Variants in AKIRIN2 observed in about 807,000 individuals in gnomAD.
AKIRIN2 encodes akirin-2.
In AKIRIN2, 6 loss-of-function variants were observed where a neutral mutation model predicts 29.3. That is an observed-to-expected ratio of 0.20 (90% confidence interval 0.11 to 0.40). The LOEUF is 0.40. Among genes scored for constraint, AKIRIN2 ranks in the 10% least tolerant of loss-of-function variants. The probability of loss-of-function intolerance (pLI) is 1.00; values close to 1 mark genes in which losing one functional copy is unlikely to be tolerated. For missense variants in AKIRIN2, 210 were observed against 276.1 expected (o/e 0.76, Z 1.70); for synonymous variants, 128 against 117.5 (o/e 1.09, Z -0.58).
intron 1 of AKIRIN2, among the ~76,000 whole-genome samples, chr6:87,696,830 AC>A (rs1327725724): frequency 6.6e-6 from 1 of 151,600 alleles, no homozygotes; most frequent in Non-Finnish European, 1.5e-5. Context: ...ACATGGTGAA[AC>A]CCCATCTCTT....
At chr6:87,688,127 G>GT (rs199680652) in intron 1 of AKIRIN2, among the ~76,000 whole-genome samples, 4 of 151,788 alleles carry the variant, frequency 2.6e-5, no homozygotes, top group Non-Finnish European at 4.4e-5. Context: ...GAAACCTTGA[G>GT]TTTTTTTTCT....
intron 1 of AKIRIN2, among the ~76,000 whole-genome samples, chr6:87,697,996 G>C (rs1771398623): frequency 6.6e-6 from 1 of 152,140 alleles, no homozygotes; most frequent in Non-Finnish European, 1.5e-5. Flanking sequence ...CAATATTTTG[G>C]TTTTATTAAA....
chr6:87,686,190 G>A (rs1169528234), intron 1 of AKIRIN2, among the ~76,000 whole-genome samples: 1 of 151,996 alleles, frequency 6.6e-6, no homozygotes, highest in Non-Finnish European at 1.5e-5. Flanking sequence ...ACTGCAGCTT[G>A]GGCAACAAGA....
At chr6:87,676,464 A>AAG in intron 3 of AKIRIN2, among the ~76,000 whole-genome samples, 1 of 141,370 alleles carries the variant, frequency 7.1e-6, no homozygotes, top group East Asian at 2.1e-4. Flanking sequence ...AAAAAAAAAA[A>AAG]AAAAAAACGA....
chr6:87,691,721 A>C (rs1312786442), intron 1 of AKIRIN2, among the ~76,000 whole-genome samples: 1 of 152,210 alleles, frequency 6.6e-6, no homozygotes, highest in Non-Finnish European at 1.5e-5. Context: ...TTCAAAAAGA[A>C]AGGAGTGTGC....
chr6:87,702,169 G>A lies in AKIRIN2; in HGVS notation c.-485C>T, dbSNP rs1771481950. ...GGCGATCGATGCAGAGAGATTGCGA[G>A]GTAGCTGCCGCAGCAGGAACCCAAG... is the stretch of plus-strand genomic sequence containing the variant. On this transcript the variant is annotated 5_prime_UTR_variant, in exon 1 of 5. Coordinates refer to ENST00000257787, the MANE Select transcript of AKIRIN2 (RefSeq NM_018064.4). 3 of 398,498 alleles carry A rather than the reference G, an allele frequency of 7.5e-6. No individual in the cohort carries two copies. Among genetic ancestry groups the A allele is most frequent in the Non-Finnish European group, 8.9e-6 (2 of 225,976 alleles). 24.7% of individuals were successfully genotyped at this position (398,498 alleles called of 1,614,324 possible). A position where few individuals can be genotyped will look rare whatever the true frequency, so the allele number is the denominator to read the frequency against.
chr6:87,685,607 C>G (rs1771174468), intron 1 of AKIRIN2, among the ~76,000 whole-genome samples: 1 of 152,218 alleles, frequency 6.6e-6, no homozygotes, highest in South Asian at 2.1e-4. Flanking sequence ...CAGTTTTAAT[C>G]ATATGCCTTC....
intron 2 of AKIRIN2, among the ~76,000 whole-genome samples, chr6:87,681,044 A>ATT (rs780676652): frequency 1.4e-5 from 2 of 147,676 alleles, no homozygotes; most frequent in African/African-American, 4.9e-5. Context: ...TATTGTTATT[A>ATT]TTTTTTTTTT....
Position 87,702,207 on chromosome 6 carries a change from A to T in AKIRIN2, c.-523T>A. On this transcript the variant is annotated 5_prime_UTR_variant, in exon 1 of 5. The change creates a new upstream start codon in the 5' untranslated region. Transcript: ENST00000257787. ...GCAGGAACCCAAGCGAACACGTCCA[A>T]CCGCTTCCCCTCCCTCGTAGAACTC... The T allele has an allele frequency of 2.5e-6, 1 of 397,698 alleles. No individual in the cohort carries two copies. The highest frequency in any genetic ancestry group is 4.4e-5 in the Admixed American group (1 of 22,728). The allele number at this position is 397,698 out of a possible 1,614,324, so 24.6% of individuals were successfully genotyped here. A position where few individuals can be genotyped will look rare whatever the true frequency, so the allele number is the denominator to read the frequency against.
At chr6:87,694,485 G>A (rs1771328255) in intron 1 of AKIRIN2, among the ~76,000 whole-genome samples, 1 of 152,160 alleles carries the variant, frequency 6.6e-6, no homozygotes. Context: ...AGCCAGTGCA[G>A]TATCTAGAAC....
chr6:87,681,401 G>A (rs1298800105), intron 2 of AKIRIN2, among the ~76,000 whole-genome samples: 1 of 152,280 alleles, frequency 6.6e-6, no homozygotes, highest in East Asian at 1.9e-4. Flanking sequence ...TGTCCACTTT[G>A]GGGATATTAT....
intron 1 of AKIRIN2, among the ~76,000 whole-genome samples, chr6:87,689,381 G>A (rs1269113992): frequency 6.6e-6 from 1 of 152,150 alleles, no homozygotes; most frequent in Non-Finnish European, 1.5e-5. Flanking sequence ...GTGCATGCCT[G>A]TAATCCCAAT....
In AKIRIN2 at chr6:87,676,266, C is replaced by T. The variant is rs577838341; in HGVS notation, c.530-335G>A. ...GATCACAAGGTCAGAAGATCGAGAC[C>T]ATCCTGGCTAACACGGTGAAACCCC... On this transcript the variant is annotated intron_variant, in intron 3 of 4. Coordinates refer to ENST00000257787, the MANE Select transcript of AKIRIN2 (RefSeq NM_018064.4). Among the ~76,000 whole-genome samples, 148 of 150,592 alleles carry T rather than the reference C, an allele frequency of 9.8e-4. 1 individual carries two copies. The highest frequency in any genetic ancestry group is 1.5e-3 in the Non-Finnish European group (104 of 67,774).
At chr6:87,679,619 T>C (rs541941567) in intron 2 of AKIRIN2, among the ~76,000 whole-genome samples, 2 of 152,162 alleles carry the variant, frequency 1.3e-5, no homozygotes, top group Non-Finnish European at 2.9e-5. Context: ...ACAATTCGCA[T>C]GGAAAAATAA....
chr6:87,688,119 A>C (rs1321539044), intron 1 of AKIRIN2, among the ~76,000 whole-genome samples: 2 of 152,016 alleles, frequency 1.3e-5, no homozygotes, highest in Non-Finnish European at 2.9e-5. Flanking sequence ...GCAAGAGTGA[A>C]ACCTTGAGTT....
At position 87,702,179 on chromosome 6, in the gene AKIRIN2, G is replaced by A. The variant is rs1226116029; in HGVS notation, c.-495C>T. ...GCAGAGAGATTGCGAGGTAGCTGCC[G>A]CAGCAGGAACCCAAGCGAACACGTC... On this transcript the variant is annotated 5_prime_UTR_variant, in exon 1 of 5. Transcript: ENST00000257787. 7.5e-6 allele frequency: 3 copies of A among 398,200 alleles called. No homozygotes were observed. The highest frequency in any genetic ancestry group is 1.3e-5 in the Non-Finnish European group (3 of 225,908). 24.7% of individuals were successfully genotyped at this position (398,200 alleles called of 1,614,324 possible).
intron 1 of AKIRIN2, among the ~76,000 whole-genome samples, chr6:87,691,417 G>C (rs567427193): frequency 7.8e-5 from 11 of 141,920 alleles, no homozygotes; most frequent in African/African-American, 2.9e-4. Flanking sequence ...CTCCAGCCTG[G>C]GAAACAGGGC....
chr6:87,678,073 G>A, intron 2 of AKIRIN2, 106 bp from the exon 3 acceptor site: 1 of 1,047,162 alleles, frequency 9.5e-7, no homozygotes, highest in Non-Finnish European at 1.3e-6. Flanking sequence ...TGATATAAAA[G>A]CATTTTAAAA....
chr6:87,677,457 C>T (rs1215738998), intron 3 of AKIRIN2, among the ~76,000 whole-genome samples: 4 of 152,098 alleles, frequency 2.6e-5, no homozygotes, highest in Non-Finnish European at 5.9e-5. Context: ...TTTGATACTC[C>T]AATGACTTAC....
Sources: allele counts gnomAD v4.1 joint callset (sites outside exome capture counted in the v4.1 genomes callset), GRCh38; gene constraint gnomAD v4.1.1; transcripts MANE v1.5; gene names NCBI Gene and HGNC (gene_info 2026-07-23, HGNC 2026-07-21).